Variants in VPS54 observed in about 807,000 individuals in gnomAD.
VPS54 encodes VPS54 subunit of GARP complex.
In VPS54, 45 loss-of-function variants were observed where a neutral mutation model predicts 121.5. The observed-to-expected ratio is 0.37, with a 90% confidence interval of 0.29 to 0.47. VPS54 has a LOEUF of 0.47. Among genes scored for constraint, VPS54 ranks in the 20% least tolerant of loss-of-function variants. VPS54 has a pLI of 0.99. For synonymous variants in VPS54, 371 were observed against 385.8 expected (o/e 0.96, Z 0.45); for missense variants, 1,090 against 1,131.4 (o/e 0.96, Z 0.52).
intron 1 of VPS54, among the ~76,000 whole-genome samples, chr2:63,988,796 G>A (rs1002553348): frequency 2.0e-5 from 3 of 151,964 alleles, no homozygotes; most frequent in Non-Finnish European, 4.4e-5. Flanking sequence ...TGAAATCTGG[G>A]TACCTTGAAA....
At chr2:63,998,158 T>C (rs777695415) in intron 1 of VPS54, among the ~76,000 whole-genome samples, 10 of 152,240 alleles carry the variant, frequency 6.6e-5, no homozygotes, top group Non-Finnish European at 1.0e-4. Context: ...ACAATTGTTA[T>C]ATCCTATGCT....
intron 1 of VPS54, among the ~76,000 whole-genome samples, chr2:63,993,996 G>C (rs1291267414): frequency 2.0e-5 from 3 of 152,178 alleles, no homozygotes; most frequent in Non-Finnish European, 4.4e-5. Context: ...AAGAGAATAT[G>C]CTTGTGTGTC....
chr2:63,994,100 G>A (rs1351679976), intron 1 of VPS54, among the ~76,000 whole-genome samples: 1 of 152,090 alleles, frequency 6.6e-6, no homozygotes, highest in Non-Finnish European at 1.5e-5. Context: ...CTCCTTAGAA[G>A]CTGGCCCACC....
At chr2:63,900,362 T>C (rs1408442121) in intron 20 of VPS54, among the ~76,000 whole-genome samples, 1 of 152,152 alleles carries the variant, frequency 6.6e-6, no homozygotes, top group Non-Finnish European at 1.5e-5. Context: ...AAAAGGAGGA[T>C]TTTTTTCAGC....
At chr2:63,897,448 A>G in intron 22 of VPS54, 48 bp downstream of exon 22, 1 of 1,300,768 alleles carries the variant, frequency 7.7e-7, no homozygotes, top group Non-Finnish European at 1.1e-6. Flanking sequence ...ACTGATCATT[A>G]AAACAATTCG....
intron 3 of VPS54, among the ~76,000 whole-genome samples, chr2:63,980,104 A>C (rs1676740193): frequency 6.6e-6 from 1 of 152,214 alleles, no homozygotes; most frequent in South Asian, 2.1e-4. Context: ...TAAAATTCTC[A>C]GCTTCTGCTT....
At chr2:63,994,528 C>T (rs1345079861) in intron 1 of VPS54, among the ~76,000 whole-genome samples, 1 of 152,328 alleles carries the variant, frequency 6.6e-6, no homozygotes, top group East Asian at 1.9e-4. Context: ...GGCGGCACTG[C>T]ATTTAATGTT....
intron 7 of VPS54, among the ~76,000 whole-genome samples, chr2:63,959,838 T>C (rs1004961453): frequency 3.3e-5 from 5 of 152,000 alleles, no homozygotes; most frequent in Non-Finnish European, 1.5e-5. Context: ...CTGGCCAATA[T>C]GGTGAAAACC....
chr2:64,000,919 C>T (rs144889174), intron 1 of VPS54, among the ~76,000 whole-genome samples: 22 of 152,342 alleles, frequency 1.4e-4, no homozygotes, highest in African/African-American at 4.8e-4. Flanking sequence ...GCTCTACCAT[C>T]GGCAGGTGGC....
intron 1 of VPS54, among the ~76,000 whole-genome samples, chr2:63,996,030 GCTTGT>G (rs1360129865): frequency 6.6e-6 from 1 of 152,088 alleles, no homozygotes; most frequent in Non-Finnish European, 1.5e-5. Context: ...TGTTTAATCG[GCTTGT>G]CTTTAGTGTG....
intron 6 of VPS54, among the ~76,000 whole-genome samples, chr2:63,963,599 A>G (rs1675863055): frequency 6.6e-6 from 1 of 152,146 alleles, no homozygotes; most frequent in African/African-American, 2.4e-5. Flanking sequence ...ACAGAGTATC[A>G]TTCATATCTT....
intron 1 of VPS54, among the ~76,000 whole-genome samples, chr2:63,991,986 G>A (rs1677342806): frequency 6.6e-6 from 1 of 152,148 alleles, no homozygotes; most frequent in African/African-American, 2.4e-5. Context: ...AGGGGTCACT[G>A]GCCCTTTACC....
At chr2:63,937,808 A>G (rs1674519075) in intron 11 of VPS54, among the ~76,000 whole-genome samples, 1 of 152,236 alleles carries the variant, frequency 6.6e-6, no homozygotes, top group Non-Finnish European at 1.5e-5. Flanking sequence ...AATATTATTC[A>G]TATTACTCAG....
chr2:63,946,761 A>C (rs974703998), intron 9 of VPS54, among the ~76,000 whole-genome samples: 2 of 152,096 alleles, frequency 1.3e-5, no homozygotes, highest in Non-Finnish European at 2.9e-5. Context: ...AATTTCTTAG[A>C]GATTAGGATA....
intron 22 of VPS54, among the ~76,000 whole-genome samples, chr2:63,897,043 C>T (rs1289891347): frequency 6.6e-6 from 1 of 152,156 alleles, no homozygotes. Flanking sequence ...GTAATATATA[C>T]AATCTTTCAA....
At chr2:64,007,907 AAC>A (rs1391357534) in intron 1 of VPS54, among the ~76,000 whole-genome samples, 9 of 152,192 alleles carry the variant, frequency 5.9e-5, no homozygotes, top group Admixed American at 2.0e-4. Context: ...CTGGATTAAG[AAC>A]AGTTTCAGGA....
At chr2:63,993,987 A>G (rs1559046404) in intron 1 of VPS54, among the ~76,000 whole-genome samples, 1 of 152,234 alleles carries the variant, frequency 6.6e-6, no homozygotes, top group Admixed American at 6.5e-5. Flanking sequence ...AACGTGGGAA[A>G]GAGAATATGC....
At chr2:63,909,728 T>TTTGTTTTTTTTTG (rs1206971291) in intron 20 of VPS54, among the ~76,000 whole-genome samples, 2 of 145,874 alleles carry the variant, frequency 1.4e-5, no homozygotes, top group East Asian at 2.0e-4. Context: ...GTTTTTGGTT[T>TTTGTTTTTTTTTG]TTTTTTTTTT....
intron 20 of VPS54, among the ~76,000 whole-genome samples, chr2:63,905,545 C>G (rs1020145375): frequency 1.3e-5 from 2 of 151,660 alleles, no homozygotes; most frequent in Admixed American, 6.6e-5. Flanking sequence ...AAAAACCTGC[C>G]TGTAAAGTAA....
Sources: gnomAD v4.1 joint callset for allele counts (sites outside exome capture counted in the v4.1 genomes callset) on GRCh38, gnomAD v4.1.1 for gene constraint, MANE v1.5 for transcripts, NCBI Gene and HGNC (gene_info 2026-07-23, HGNC 2026-07-21) for gene names.